NEGR1: variants seen among roughly 807,000 people sequenced by gnomAD.
NEGR1 encodes neuronal growth regulator 1, also known as IgLON family member 4.
NEGR1 carries 10 observed loss-of-function variants against 40.9 expected under a neutral mutation model. That is an observed-to-expected ratio of 0.24 (90% CI 0.15 to 0.42). The LOEUF is 0.42. Ranked by LOEUF, NEGR1 falls within the 10% of genes least tolerant of loss-of-function variation. The probability of loss-of-function intolerance (pLI) is 1.00; values close to 1 mark genes in which losing one functional copy is unlikely to be tolerated. For synonymous variants in NEGR1, 185 were observed against 166.8 expected (o/e 1.11, Z -0.84); for missense variants, 352 against 438.9 (o/e 0.80, Z 1.77).
At chr1:71,725,386 G>C (rs1464176057) in intron 3 of NEGR1, among the ~76,000 whole-genome samples, 1 of 152,056 alleles carries the variant, frequency 6.6e-6, no homozygotes, top group Non-Finnish European at 1.5e-5. Context: ...CGTCATTGCA[G>C]ATACTCTTGG....
intron 3 of NEGR1, among the ~76,000 whole-genome samples, chr1:71,766,362 T>G (rs1656132337): frequency 6.6e-6 from 1 of 152,196 alleles, no homozygotes; most frequent in Non-Finnish European, 1.5e-5. Context: ...TTCTTTATCT[T>G]GAGTTAGGCA....
chr1:71,598,238 G>A (rs770830395), intron 5 of NEGR1, among the ~76,000 whole-genome samples: 1 of 152,084 alleles, frequency 6.6e-6, no homozygotes, highest in African/African-American at 2.4e-5. Flanking sequence ...TAAGTTTGGA[G>A]AGACAAATCA....
intron 1 of NEGR1, among the ~76,000 whole-genome samples, chr1:72,161,670 T>C (rs2100375524): frequency 7.6e-6 from 1 of 132,322 alleles, no homozygotes; most frequent in South Asian, 2.3e-4. Flanking sequence ...TTTTCTTTCT[T>C]TCTTTCTTTT....
chr1:71,920,784 G>A (rs1645710094), intron 2 of NEGR1, among the ~76,000 whole-genome samples: 1 of 152,158 alleles, frequency 6.6e-6, no homozygotes, highest in Non-Finnish European at 1.5e-5. Flanking sequence ...ACAGGTGCAG[G>A]TGTAAAAATC....
chr1:71,942,303 G>T (rs1242607954), intron 1 of NEGR1, among the ~76,000 whole-genome samples: 2 of 149,462 alleles, frequency 1.3e-5, no homozygotes, highest in African/African-American at 4.9e-5. Flanking sequence ...AAAAAAAACT[G>T]AAAATTAAGC....
intron 4 of NEGR1, among the ~76,000 whole-genome samples, chr1:71,670,260 C>T (rs1322156820): frequency 2.6e-5 from 4 of 152,000 alleles, no homozygotes; most frequent in Admixed American, 2.6e-4. Context: ...TTAATGTTAT[C>T]TTTCCATGTT....
intron 1 of NEGR1, among the ~76,000 whole-genome samples, chr1:72,048,655 T>C (rs1647025703): frequency 6.6e-6 from 1 of 151,526 alleles, no homozygotes; most frequent in Non-Finnish European, 1.5e-5. Context: ...TCTCTAGGGA[T>C]CTAATAAGGA....
At chr1:71,527,788 A>T (rs924059044) in intron 6 of NEGR1, among the ~76,000 whole-genome samples, 1 of 151,238 alleles carries the variant, frequency 6.6e-6, no homozygotes, top group African/African-American at 2.4e-5. Flanking sequence ...GTTGTTTATT[A>T]TCCTATTTCA....
chr1:72,143,914 A>AATATATATATATATATAT (rs61582804), intron 1 of NEGR1, among the ~76,000 whole-genome samples: 10 of 130,610 alleles, frequency 7.7e-5, no homozygotes, highest in African/African-American at 3.0e-4. Flanking sequence ...TGATATATAT[A>AATATATATATATATATAT]ATATATATAT....
At chr1:72,245,142 G>T (rs572673358) in intron 1 of NEGR1, among the ~76,000 whole-genome samples, 1 of 152,066 alleles carries the variant, frequency 6.6e-6, no homozygotes, top group African/African-American at 2.4e-5. Flanking sequence ...AATTGTCAGA[G>T]ATACAGATTT....
At chr1:72,147,899 A>T (rs185898605) in intron 1 of NEGR1, among the ~76,000 whole-genome samples, 1 of 152,036 alleles carries the variant, frequency 6.6e-6, no homozygotes, top group Admixed American at 6.6e-5. Flanking sequence ...CACTGATGCA[A>T]GAGGTGGGTT....
At chr1:71,826,903 CTA>C (rs1363555746) in intron 2 of NEGR1, among the ~76,000 whole-genome samples, 2 of 151,852 alleles carry the variant, frequency 1.3e-5, no homozygotes, top group African/African-American at 4.8e-5. Context: ...ATTCATTAAA[CTA>C]ACTGGGGAGT....
At chr1:72,023,060 T>C (rs1032407468) in intron 1 of NEGR1, among the ~76,000 whole-genome samples, 3 of 152,182 alleles carry the variant, frequency 2.0e-5, no homozygotes, top group Non-Finnish European at 4.4e-5. Flanking sequence ...CTTGATGAAG[T>C]ATGAATAAAA....
At chr1:71,741,269 A>G (rs890817530) in intron 3 of NEGR1, among the ~76,000 whole-genome samples, 1 of 152,188 alleles carries the variant, frequency 6.6e-6, no homozygotes, top group Non-Finnish European at 1.5e-5. Context: ...GAATATCTCA[A>G]ATCATTTTAA....
At chr1:71,809,942 TA>T (rs1488006599) in intron 2 of NEGR1, among the ~76,000 whole-genome samples, 2 of 152,150 alleles carry the variant, frequency 1.3e-5, no homozygotes, top group African/African-American at 4.8e-5. Flanking sequence ...GAAGGGAAAC[TA>T]AAACCATCTC....
intron 2 of NEGR1, among the ~76,000 whole-genome samples, chr1:71,806,468 A>T (rs191026203): frequency 3.3e-5 from 5 of 152,016 alleles, no homozygotes; most frequent in African/African-American, 1.2e-4. Flanking sequence ...ATTTCAACTC[A>T]AAATCCTTTT....
rs113294835 is a variant in NEGR1, at chr1:72,137,438, C to T, written c.176+144881G>A. On this transcript the variant is annotated intron_variant, in intron 1 of 6. Transcript: ENST00000357731. ...CCATAAAAAAGGATGAGTTTGTGTCCTCTGCAGGGACATGAATGAAACTGG... is the reference window on the plus strand; with the variant it reads ...CCATAAAAAAGGATGAGTTTGTGTCTTCTGCAGGGACATGAATGAAACTGG... Among the ~76,000 whole-genome samples, 490 of 152,186 alleles carry T rather than the reference C, an allele frequency of 3.2e-3. 3 individuals are homozygous for T. Among genetic ancestry groups the T allele is most frequent in the African/African-American group, 0.011 (469 of 41,522 alleles).
chr1:71,843,767 G>A (rs1269311279), intron 2 of NEGR1, among the ~76,000 whole-genome samples: 1 of 152,054 alleles, frequency 6.6e-6, no homozygotes, highest in East Asian at 1.9e-4. Flanking sequence ...ATCTGAAATT[G>A]ACCTATTTTT....
chr1:72,261,312 A>C (rs1433966708), intron 1 of NEGR1, among the ~76,000 whole-genome samples: 1 of 152,122 alleles, frequency 6.6e-6, no homozygotes, highest in Non-Finnish European at 1.5e-5. Flanking sequence ...ATGTATTATA[A>C]ATATTTTCAA....
Sources: gnomAD v4.1 joint callset for allele counts (sites outside exome capture counted in the v4.1 genomes callset) on GRCh38, gnomAD v4.1.1 for gene constraint, MANE v1.5 for transcripts, NCBI Gene and HGNC (gene_info 2026-07-23, HGNC 2026-07-21) for gene names.